The following GSAP variants were observed in gnomAD, a reference collection of about 807,000 sequenced individuals.
GSAP encodes the protein gamma-secretase activating protein.
A neutral mutation model predicts 131.7 loss-of-function variants in GSAP; 118 were observed. That is an observed-to-expected ratio of 0.90 (90% CI 0.77 to 1.04). GSAP has a LOEUF of 1.04. Among genes scored for constraint, GSAP ranks in the 50% least tolerant of loss-of-function variants. The pLI is 0.00. For missense variants in GSAP, 1,019 were observed against 1,013.2 expected (o/e 1.01, Z -0.08); for synonymous variants, 381 against 363.4 (o/e 1.05, Z -0.55).
chr7:77,335,034 G>A (rs1190228779), intron 19 of GSAP, among the ~76,000 whole-genome samples: 2 of 151,668 alleles, frequency 1.3e-5, no homozygotes, highest in Admixed American at 6.6e-5. Context: ...AGTGAGCTGA[G>A]ATCGCGCCAC....
chr7:77,381,811 C>A, intron 7 of GSAP, among the ~76,000 whole-genome samples: 1 of 151,824 alleles, frequency 6.6e-6, no homozygotes. Context: ...TAATAGAGGT[C>A]AATTTCATGT....
In GSAP at chr7:77,387,466, C is replaced by A; in HGVS notation, c.368-18G>T. ...CTTTGATCCTACAGAGAAAAGAAGGCTTTTAGTAACGAAGATTGTAATATC... is the reference window on the plus strand; with the variant it reads ...CTTTGATCCTACAGAGAAAAGAAGGATTTTAGTAACGAAGATTGTAATATC... On this transcript the variant is annotated intron_variant, in intron 5 of 30. Transcript: ENST00000257626. 7.5e-7 allele frequency: 1 copy of A among 1,339,234 alleles called. No homozygotes were observed. The highest frequency in any genetic ancestry group is 1.7e-5 in the Admixed American group (1 of 58,426). The allele number at this position is 1,339,234 out of a possible 1,614,324, so 83.0% of individuals were successfully genotyped here. A position where few individuals can be genotyped will look rare whatever the true frequency, so the allele number is the denominator to read the frequency against.
chr7:77,390,295 C>T (rs563547194), intron 5 of GSAP, among the ~76,000 whole-genome samples: 135 of 152,104 alleles, frequency 8.9e-4, no homozygotes, highest in African/African-American at 3.1e-3. Context: ...TTAATTAGAT[C>T]CCATTTGTCA....
chr7:77,355,354 A>G lies in GSAP; in HGVS notation c.1197T>C (p.Cys399=), dbSNP rs1793506695. ...GCAGTGCTCTATAGAGCTTTCCAGAACAACAATCCAATACCAGGGACCCTG... is the reference window on the plus strand; with the variant it reads ...GCAGTGCTCTATAGAGCTTTCCAGAGCAACAATCCAATACCAGGGACCCTG... The part of the protein sequence containing the change: ...SLSGSLVLDC[C]SGKLYRALLS... Residue 399 remains cysteine (C), a synonymous_variant, in exon 16 of 31, where the codon TGT becomes TGC. Transcript: ENST00000257626. 1 of 1,613,334 alleles carries G rather than the reference A, an allele frequency of 6.2e-7. No homozygotes were observed. The highest frequency in any genetic ancestry group is 1.3e-5 in the African/African-American group (1 of 74,916).
chr7:77,395,837 A>T (rs1030880696), intron 5 of GSAP, among the ~76,000 whole-genome samples: 1 of 152,206 alleles, frequency 6.6e-6, no homozygotes, highest in African/African-American at 2.4e-5. Flanking sequence ...CTAACAAAAG[A>T]AGTAATTAAA....
chr7:77,337,291 G>A (rs1790141896), intron 19 of GSAP, among the ~76,000 whole-genome samples: 2 of 145,736 alleles, frequency 1.4e-5, no homozygotes, highest in East Asian at 4.1e-4. Context: ...TAACGGGGGC[G>A]GGGGTGGGGT....
intron 6 of GSAP, 88 bp from the exon 7 acceptor site, chr7:77,382,731 C>A: frequency 1.4e-6 from 1 of 698,376 alleles, no homozygotes; most frequent in Non-Finnish European, 2.6e-6. Flanking sequence ...TGTACTATTA[C>A]ATACCATTGA....
intron 19 of GSAP, among the ~76,000 whole-genome samples, chr7:77,349,040 C>A (rs1373606590): frequency 1.3e-5 from 2 of 152,192 alleles, no homozygotes; most frequent in Non-Finnish European, 2.9e-5. Flanking sequence ...AGATCATCTA[C>A]AAGACCTCCC....
intron 5 of GSAP, among the ~76,000 whole-genome samples, chr7:77,395,417 G>A (rs911346914): frequency 1.3e-5 from 2 of 152,040 alleles, no homozygotes; most frequent in African/African-American, 4.8e-5. Context: ...TTGTTTTAAG[G>A]GTCAGAACAC....
intron 24 of GSAP, among the ~76,000 whole-genome samples, chr7:77,322,804 G>A (rs990920508): frequency 1.1e-4 from 17 of 151,888 alleles, no homozygotes; most frequent in East Asian, 3.9e-4. Flanking sequence ...AATATATTAC[G>A]TAGAAACAAC....
intron 18 of GSAP, chr7:77,351,499 T>C (rs17152115): frequency 0.078 from 76,866 of 981,460 alleles, 4,169 homozygotes; most frequent in East Asian, 0.41. Flanking sequence ...CATAGACTGA[T>C]AGATTTTCAA....
intron 26 of GSAP, among the ~76,000 whole-genome samples, chr7:77,317,895 G>C (rs547952718): frequency 6.6e-6 from 1 of 152,202 alleles, no homozygotes; most frequent in East Asian, 1.9e-4. Flanking sequence ...ATTCCATTGG[G>C]ATAATTTTAA....
At chr7:77,332,846 A>G (rs1198541428) in intron 19 of GSAP, among the ~76,000 whole-genome samples, 1 of 152,190 alleles carries the variant, frequency 6.6e-6, no homozygotes, top group Non-Finnish European at 1.5e-5. Flanking sequence ...ATATTTCACT[A>G]TTTGGTATCC....
chr7:77,369,353 T>G (rs1257593915), intron 12 of GSAP, among the ~76,000 whole-genome samples: 1 of 152,184 alleles, frequency 6.6e-6, no homozygotes, highest in Non-Finnish European at 1.5e-5. Context: ...AATACACAAG[T>G]GGCCTGACAG....
At chr7:77,317,889 C>T (rs1787078217) in intron 26 of GSAP, among the ~76,000 whole-genome samples, 1 of 152,128 alleles carries the variant, frequency 6.6e-6, no homozygotes, top group African/African-American at 2.4e-5. Flanking sequence ...ACTCATATTC[C>T]ATTGGGATAA....
At position 77,381,304 on chromosome 7, in the gene GSAP, C is replaced by T. The variant is rs1584624865; in HGVS notation, c.576+1G>A. 6 of 1,533,636 alleles carry T rather than the reference C, an allele frequency of 3.9e-6. No homozygotes were observed. Among genetic ancestry groups the T allele is most frequent in the Non-Finnish European group, 4.4e-6 (5 of 1,129,620 alleles). On this transcript the variant is annotated splice_donor_variant, in intron 8 of 30. Coordinates refer to ENST00000257626, the MANE Select transcript of GSAP (RefSeq NM_017439.4). LOFTEE classifies it high-confidence loss of function. ...AAGCGAAAAGAATTTCAAATCTTTA[C>T]CACTCTATTTCCATCTTCTTGGGCG...
intron 19 of GSAP, among the ~76,000 whole-genome samples, chr7:77,343,719 A>G (rs1791361801): frequency 6.6e-6 from 1 of 152,144 alleles, no homozygotes; most frequent in Non-Finnish European, 1.5e-5. Flanking sequence ...CTACCTATCA[A>G]TCTCTTCCCA....
rs2150780647 is a variant in GSAP at position 77,344,204 on chromosome 7, A to C, written c.1545+5147T>G. On this transcript the variant is annotated intron_variant, in intron 19 of 30. Coordinates refer to ENST00000257626, the MANE Select transcript of GSAP (RefSeq NM_017439.4). ...ACAGTCCAATAACACACAGGCCTTT[A>C]CTAGTCAAATCACCCAAGCAGTTTC... 1.3e-5 allele frequency among the ~76,000 whole-genome samples: 2 copies of C among 152,146 alleles called. 1 individual carries two copies. Among genetic ancestry groups the C allele is most frequent in the South Asian group, 4.2e-4 (2 of 4,802 alleles).
At chr7:77,392,450 A>G (rs1799730977) in intron 5 of GSAP, among the ~76,000 whole-genome samples, 1 of 151,596 alleles carries the variant, frequency 6.6e-6, no homozygotes, top group Non-Finnish European at 1.5e-5. Context: ...CGGGAAACTG[A>G]GGCAGGAGTA....
Sources: gnomAD v4.1 joint callset for allele counts (sites outside exome capture counted in the v4.1 genomes callset) on GRCh38, gnomAD v4.1.1 for gene constraint, MANE v1.5 for transcripts, NCBI Gene and HGNC (gene_info 2026-07-23, HGNC 2026-07-21) for gene names.